The following XKR4 variants were observed in gnomAD, a reference collection of about 807,000 sequenced individuals.
XKR4 encodes the protein XK related 4.
A neutral mutation model predicts 53.9 loss-of-function variants in XKR4; 12 were observed. The ratio of observed to expected loss-of-function variants is 0.22; its 90% confidence interval spans 0.14 to 0.36. The LOEUF (loss-of-function observed/expected upper bound fraction) is 0.36, where lower values mean the gene tolerates loss of function less well. Among genes scored for constraint, XKR4 ranks in the 10% least tolerant of loss-of-function variants. The pLI is 1.00. For missense variants in XKR4, 799 were observed against 859.5 expected (o/e 0.93, Z 0.88); for synonymous variants, 354 against 362.4 (o/e 0.98, Z 0.26).
chr8:55,377,027 G>C (rs1279068225), intron 2 of XKR4, among the ~76,000 whole-genome samples: 1 of 151,714 alleles, frequency 6.6e-6, no homozygotes, highest in Non-Finnish European at 1.5e-5. Context: ...AACAGGCACA[G>C]ACTTTCTCAA....
chr8:55,428,253 A>G (rs1055708772), intron 2 of XKR4, among the ~76,000 whole-genome samples: 1 of 152,188 alleles, frequency 6.6e-6, no homozygotes, highest in Non-Finnish European at 1.5e-5. Flanking sequence ...TTTGGCGCCC[A>G]ATGATCAACA....
chr8:55,446,601 G>A (rs2658885), intron 2 of XKR4, among the ~76,000 whole-genome samples: 21,754 of 152,024 alleles, frequency 0.14, 2,120 homozygotes, highest in East Asian at 0.41. Context: ...TGCCCACCTC[G>A]GCCTCCCAAA....
At chr8:55,378,688 G>A (rs1804185943) in intron 2 of XKR4, among the ~76,000 whole-genome samples, 1 of 152,150 alleles carries the variant, frequency 6.6e-6, no homozygotes, top group Non-Finnish European at 1.5e-5. Flanking sequence ...ACATAAAAAG[G>A]TGGAGAGAGA....
intron 1 of XKR4, among the ~76,000 whole-genome samples, chr8:55,276,065 T>C (rs766780636): frequency 3.0e-4 from 45 of 152,250 alleles, no homozygotes; most frequent in Non-Finnish European, 2.8e-4. Context: ...TTGTTAAGGC[T>C]CCGGGTAAAT....
chr8:55,256,127 AG>A (rs1179229291), intron 1 of XKR4, among the ~76,000 whole-genome samples: 1 of 152,034 alleles, frequency 6.6e-6, no homozygotes, highest in East Asian at 1.9e-4. Context: ...GCAGGGTAAA[AG>A]TATTCCAGGA....
At chr8:55,304,452 G>C (rs1819260560) in intron 1 of XKR4, among the ~76,000 whole-genome samples, 1 of 152,210 alleles carries the variant, frequency 6.6e-6, no homozygotes, top group Admixed American at 6.5e-5. Context: ...GTGGTGTGGT[G>C]CTGAGAAGAA....
At chr8:55,178,265 C>T (rs966142132) in intron 1 of XKR4, among the ~76,000 whole-genome samples, 2 of 152,104 alleles carry the variant, frequency 1.3e-5, no homozygotes, top group African/African-American at 2.4e-5. Flanking sequence ...GTGAAGTAAT[C>T]GCTGAGATAC....
At chr8:55,454,889 C>T in intron 2 of XKR4, 1 of 766,038 alleles carries the variant, frequency 1.3e-6, no homozygotes, top group Non-Finnish European at 2.4e-6. Context: ...TCGTTTCCTG[C>T]TCCCAGAAGG....
intron 1 of XKR4, among the ~76,000 whole-genome samples, chr8:55,310,308 G>A (rs900985479): frequency 1.3e-5 from 2 of 152,226 alleles, no homozygotes; most frequent in East Asian, 1.9e-4. Flanking sequence ...TTCCAAGTGC[G>A]TGACCTTCAG....
chr8:55,485,108 A>G (rs1024438776), intron 2 of XKR4, among the ~76,000 whole-genome samples: 2 of 152,258 alleles, frequency 1.3e-5, no homozygotes, highest in Admixed American at 1.3e-4. Flanking sequence ...AGAGAGGAGA[A>G]CATCCTCAAC....
intron 1 of XKR4, among the ~76,000 whole-genome samples, chr8:55,235,080 C>T (rs948517604): frequency 2.0e-5 from 3 of 152,202 alleles, no homozygotes; most frequent in Non-Finnish European, 4.4e-5. Flanking sequence ...GGGTTGGTTG[C>T]TGGAGCCTCT....
chr8:55,427,361 T>A (rs1805031714), intron 2 of XKR4, among the ~76,000 whole-genome samples: 3 of 152,166 alleles, frequency 2.0e-5, no homozygotes, highest in African/African-American at 7.2e-5. Context: ...TGGTATTAAT[T>A]GAAACCAATT....
intron 2 of XKR4, among the ~76,000 whole-genome samples, chr8:55,484,133 C>T (rs1018986537): frequency 5.9e-5 from 9 of 152,208 alleles, no homozygotes; most frequent in African/African-American, 2.2e-4. Flanking sequence ...ACTCACCCAG[C>T]ATGAAAGAGA....
chr8:55,414,456 T>C (rs940298440), intron 2 of XKR4, among the ~76,000 whole-genome samples: 3 of 151,156 alleles, frequency 2.0e-5, no homozygotes, highest in African/African-American at 7.3e-5. Context: ...CCACAGTTTG[T>C]TTCATATGTA....
chr8:55,153,263 A>G (rs1337429417), intron 1 of XKR4, among the ~76,000 whole-genome samples: 1 of 152,198 alleles, frequency 6.6e-6, no homozygotes, highest in Non-Finnish European at 1.5e-5. Context: ...GTTATAGAAA[A>G]GCTTTTGCTG....
intron 1 of XKR4, among the ~76,000 whole-genome samples, chr8:55,103,832 C>T (rs1816094681): frequency 7.9e-6 from 1 of 126,646 alleles, no homozygotes; most frequent in African/African-American, 3.0e-5. Flanking sequence ...AGTAAAGATC[C>T]TAATAGGCAA....
At chr8:55,357,521 T>G (rs1803837779) in intron 1 of XKR4, among the ~76,000 whole-genome samples, 157 bp from the exon 2 acceptor site, 1 of 152,212 alleles carries the variant, frequency 6.6e-6, no homozygotes, top group Non-Finnish European at 1.5e-5. Context: ...TGGGTACTCT[T>G]AAGCAGTTAA....
intron 2 of XKR4, among the ~76,000 whole-genome samples, chr8:55,457,826 GAT>G (rs1217375072): frequency 6.6e-6 from 1 of 152,176 alleles, no homozygotes; most frequent in African/African-American, 2.4e-5. Context: ...TAGGTTTATG[GAT>G]ATGTGTGTGT....
chr8:55,180,298 T>C (rs1817290105), intron 1 of XKR4, among the ~76,000 whole-genome samples: 1 of 152,206 alleles, frequency 6.6e-6, no homozygotes, highest in Non-Finnish European at 1.5e-5. Flanking sequence ...TGAATGAGCA[T>C]AAATTGGATG....
Sources: gnomAD v4.1 joint callset for allele counts (sites outside exome capture counted in the v4.1 genomes callset) on GRCh38, gnomAD v4.1.1 for gene constraint, MANE v1.5 for transcripts, NCBI Gene and HGNC (gene_info 2026-07-23, HGNC 2026-07-21) for gene names.